SPON2: variants seen among roughly 807,000 people sequenced by gnomAD.
SPON2 encodes spondin-2.
SPON2 carries 32 observed loss-of-function variants against 29.9 expected under a neutral mutation model. The observed-to-expected ratio is 1.07, with a 90% confidence interval of 0.81 to 1.44. The LOEUF (loss-of-function observed/expected upper bound fraction) is 1.44, where lower values mean the gene tolerates loss of function less well. Among genes scored for constraint, SPON2 ranks in the 40% most tolerant of loss-of-function variants. The pLI is 0.00. For missense variants in SPON2, 541 were observed against 455.5 expected (o/e 1.19, Z -1.71); for synonymous variants, 248 against 209.1 (o/e 1.19, Z -1.61).
At chr4:1,174,486 C>CAAAAAAAAA (rs59532169), upstream of SPON2, among the ~76,000 whole-genome samples, 79 of 94,222 alleles carry the variant, frequency 8.4e-4, no homozygotes, top group Middle Eastern at 5.2e-3. Flanking sequence ...GACTCCATCT[C>CAAAAAAAAA]AAAAAAAAAA....
intron 4 of SPON2, 181 bp downstream of exon 4, chr4:1,170,818 T>G: frequency 4.9e-6 from 5 of 1,010,266 alleles, no homozygotes; most frequent in Non-Finnish European, 7.5e-6. Flanking sequence ...TGACCCCGGG[T>G]TGGGAGAGTA....
rs781469354 is a variant in SPON2, at chr4:1,171,875, G to A, written c.197C>T (p.Pro66Leu). ...FPKQYPLFRP[P>L]AQWSSLLGAA... is the part of the protein sequence containing the mutation. ...ACCCAGCAGCGAAGACCACTGCGCA[G>A]GGGGGCGGAACAGGGGGTACTGCTT... The change falls in exon 2 of 6, where the codon CCT (proline) becomes CTT (leucine). Residue 66 changes from proline (P) to leucine (L), a missense_variant. By Grantham distance (98) the Pro-to-Leu change is moderately conservative (BLOSUM62 -3). Coordinates refer to ENST00000290902, the MANE Select transcript of SPON2 (RefSeq NM_012445.4). 7 of 1,612,460 alleles carry A rather than the reference G, an allele frequency of 4.3e-6. No homozygotes were observed. The highest frequency in any genetic ancestry group is 1.7e-5 in the Admixed American group (1 of 60,012).
chr4:1,171,980 C>CCCCCAAGA lies in SPON2; in HGVS notation c.84_91dup (p.Gly31ValfsTer79). ...GGCTCTGGCGGAACAGATGGACTCT[C>CCCCCAAGA]CCCCAAGAGGCTGGCCGGCGGCGCC... On this transcript the variant is annotated frameshift_variant, in exon 2 of 6. Transcript: ENST00000290902. LOFTEE classifies it high-confidence loss of function. 3 of 1,612,808 alleles carry CCCCCAAGA rather than the reference C, an allele frequency of 1.9e-6. No individual in the cohort carries two copies.
chr4:1,198,750 G>A (rs1036929367), upstream of SPON2, among the ~76,000 whole-genome samples: 4 of 152,264 alleles, frequency 2.6e-5, no homozygotes, highest in East Asian at 7.7e-4. Context: ...CATTTCATTA[G>A]CCAATTAGCA....
rs1459902969 is a variant in SPON2 at position 1,167,644 on chromosome 4, G to A, written c.824C>T (p.Pro275Leu). The A allele has an allele frequency of 6.2e-7, 1 of 1,606,620 alleles. No individual in the cohort carries two copies. The change falls in exon 6 of 6, where the codon CCG becomes CTG. Residue 275 changes from proline (P) to leucine (L), a missense_variant. By Grantham distance (98) the Pro-to-Leu change is moderately conservative. Transcript: ENST00000290902. ...CCACAGGGAGACCTCGCAGTCCAGC[G>A]GCGTTTCTGGAACTGGACCAAGCAA... ...IVDSASVPETPLDCEVSLWSS... is the reference protein window; with the variant it reads ...IVDSASVPETLLDCEVSLWSS...
At chr4:1,185,088 T>C (rs1388933266) in intron 1 of SPON2, among the ~76,000 whole-genome samples, 2 of 152,002 alleles carry the variant, frequency 1.3e-5, no homozygotes, top group Non-Finnish European at 2.9e-5. Flanking sequence ...TTTTTCTTTT[T>C]CTTTTGACAC....
chr4:1,170,990 C>T lies in SPON2; in HGVS notation c.636+9G>A. 2 of 1,547,086 alleles carry T rather than the reference C, an allele frequency of 1.3e-6. No homozygotes were observed. The highest frequency in any genetic ancestry group is 1.7e-6 in the Non-Finnish European group (2 of 1,144,706). ...TAGCGGCCCTTGCGCACGCGGGGTG[C>T]CCACTCACCTCGGTCACCGTGTCCT... On this transcript the variant is annotated intron_variant, in intron 4 of 5. Coordinates refer to ENST00000290902, the MANE Select transcript of SPON2 (RefSeq NM_012445.4).
Position 1,171,408 on chromosome 4 carries a change from C to T in SPON2, c.299G>A (p.Arg100His), listed in dbSNP as rs1319361577. Reference protein sequence around the residue: ...VSNGLRDFAERGEAWALMKEI... With the variant: ...VSNGLRDFAEHGEAWALMKEI... ...CTTCATCAGCGCCCAGGCCTCGCCG[C>T]GCTCCGCAAAGTCGCGCAGCCCGTT... is the stretch of plus-strand genomic sequence containing the variant. The change falls in exon 3 of 6, where the codon CGC (arginine) becomes CAC (histidine). Residue 100 changes from arginine to histidine, a missense_variant. Physicochemically the swap from Arg to His is conservative, Grantham distance 29. Transcript: ENST00000290902. 1.2e-6 allele frequency: 2 copies of T among 1,612,226 alleles called. No homozygotes were observed. The highest frequency in any genetic ancestry group is 1.7e-6 in the Non-Finnish European group (2 of 1,179,804).
At chr4:1,170,856 G>C (rs947809135) in intron 4 of SPON2, 143 bp downstream of exon 4, 1 of 1,223,974 alleles carries the variant, frequency 8.2e-7, no homozygotes, top group Admixed American at 2.0e-5. Flanking sequence ...CTTGCTCACT[G>C]CTGGCGCTAG....
At chr4:1,193,170 C>G (rs1385982945) in intron 1 of SPON2, among the ~76,000 whole-genome samples, 1 of 152,252 alleles carries the variant, frequency 6.6e-6, no homozygotes, top group Non-Finnish European at 1.5e-5. Flanking sequence ...CATGCACATG[C>G]CTGCATCTGA....
chr4:1,183,916 C>T (rs1727746274), intron 1 of SPON2, among the ~76,000 whole-genome samples: 1 of 152,072 alleles, frequency 6.6e-6, no homozygotes, highest in South Asian at 2.1e-4. Context: ...AACTATAACG[C>T]AAATAGAAAA....
Position 1,171,286 on chromosome 4 carries a change from C to G in SPON2, c.421G>C (p.Glu141Gln). 5 of 1,568,696 alleles carry G rather than the reference C, an allele frequency of 3.2e-6. No individual in the cohort carries two copies. The highest frequency in any genetic ancestry group is 4.3e-6 in the Non-Finnish European group (5 of 1,163,844). ...ACCAGCGAGTGCCTGCGCTGCACCT[C>G]CAGCTCCGCCGACGTCTGCCCGGTG... ...SGTGQTSAEL[E>Q]VQRRHSLVSF... The change falls in exon 3 of 6, where the codon GAG becomes CAG. Residue 141 changes from glutamate (E) to glutamine (Q), a missense_variant. Physicochemically the swap from Glu to Gln is conservative, Grantham distance 29. Transcript: ENST00000290902.
intron 1 of SPON2, among the ~76,000 whole-genome samples, chr4:1,203,681 G>A (rs972634481): frequency 3.3e-5 from 5 of 152,140 alleles, no homozygotes; most frequent in East Asian, 1.9e-4. Flanking sequence ...CAGAACAGCC[G>A]CATGTGAGGT....
upstream of SPON2, chr4:1,196,968 A>G (rs1482841903): frequency 2.0e-5 from 3 of 152,304 alleles, no homozygotes; most frequent in Non-Finnish European, 4.4e-5. Flanking sequence ...TGATGTCAGC[A>G]TGTCTGGTTG....
chr4:1,171,919 C>G lies in SPON2; in HGVS notation c.153G>C (p.Trp51Cys), dbSNP rs1298177130. ...AKYSITFTGK[W>C]SQTAFPKQYP... ...ACTGCTTGGGGAAGGCCGTCTGGCTCCACTTGCCCGTGAAGGTGATGCTGT... is the reference window on the plus strand; with the variant it reads ...ACTGCTTGGGGAAGGCCGTCTGGCTGCACTTGCCCGTGAAGGTGATGCTGT... The change falls in exon 2 of 6, where the codon TGG becomes TGC. Residue 51 changes from tryptophan to cysteine, a missense_variant. By Grantham distance (215) the Trp-to-Cys change is radical. Transcript: ENST00000290902. 6.8e-6 allele frequency: 11 copies of G among 1,612,906 alleles called. No individual in the cohort carries two copies. The highest frequency in any genetic ancestry group is 1.3e-5 in the African/African-American group (1 of 75,048).
At chr4:1,206,681 G>C (rs1250432623) in intron 1 of SPON2, among the ~76,000 whole-genome samples, 1 of 152,194 alleles carries the variant, frequency 6.6e-6, no homozygotes, top group Admixed American at 6.5e-5. Context: ...AGGGGAGGCA[G>C]GGCCTGAGGC....
intron 1 of SPON2, among the ~76,000 whole-genome samples, chr4:1,194,719 C>T (rs969812579): frequency 5.9e-5 from 9 of 152,118 alleles, no homozygotes; most frequent in Admixed American, 3.3e-4. Context: ...TGGTTTCTGC[C>T]GGGCGCGGGG....
upstream of SPON2, among the ~76,000 whole-genome samples, chr4:1,175,188 T>A (rs1727568559): frequency 6.6e-6 from 1 of 152,246 alleles, no homozygotes; most frequent in Non-Finnish European, 1.5e-5. Context: ...ACAGGCTCCA[T>A]GGCAAAGCTA....
At chr4:1,206,147 G>A (rs1171259041) in intron 1 of SPON2, among the ~76,000 whole-genome samples, 2 of 152,190 alleles carry the variant, frequency 1.3e-5, no homozygotes, top group Non-Finnish European at 2.9e-5. Flanking sequence ...CCTACCCAAG[G>A]CTGACCCGGG....
Sources: allele counts gnomAD v4.1 joint callset (sites outside exome capture counted in the v4.1 genomes callset), GRCh38; gene constraint gnomAD v4.1.1; transcripts MANE v1.5; gene names NCBI Gene and HGNC (gene_info 2026-07-23, HGNC 2026-07-21).